GALNT17: variants seen among roughly 807,000 people sequenced by gnomAD.
GALNT17 encodes the protein polypeptide N-acetylgalactosaminyltransferase 17, also known as UDP-GalNAc:polypeptide N-acetylgalactosaminyltransferase-like 3.
GALNT17 carries 29 observed loss-of-function variants against 63.7 expected under a neutral mutation model. The observed-to-expected ratio is 0.46, with a 90% CI of 0.34 to 0.62. The LOEUF is 0.62. Ranked by LOEUF, GALNT17 falls within the 20% of genes least tolerant of loss-of-function variation. The pLI is 0.01. For synonymous variants in GALNT17, 305 were observed against 318.3 expected (o/e 0.96, Z 0.45); for missense variants, 603 against 799.6 (o/e 0.75, Z 2.97).
intron 1 of GALNT17, among the ~76,000 whole-genome samples, chr7:71,221,908 A>T (rs926436484): frequency 6.3e-4 from 72 of 114,702 alleles, no homozygotes; most frequent in Non-Finnish European, 1.1e-3. Context: ...CCTTATTTAG[A>T]TTTTTTTTTT....
At chr7:71,564,855 G>A (rs1789314718) in intron 5 of GALNT17, among the ~76,000 whole-genome samples, 1 of 152,174 alleles carries the variant, frequency 6.6e-6, no homozygotes. Context: ...CCTGTCATGT[G>A]TGCTGAGCAG....
chr7:71,466,339 G>C (rs148952904), intron 5 of GALNT17, among the ~76,000 whole-genome samples: 1 of 151,846 alleles, frequency 6.6e-6, no homozygotes, highest in African/African-American at 2.4e-5. Context: ...CAAATGACCA[G>C]CATTGGTGTT....
At chr7:71,164,606 C>G (rs983951953) in intron 1 of GALNT17, among the ~76,000 whole-genome samples, 1 of 152,144 alleles carries the variant, frequency 6.6e-6, no homozygotes, top group Non-Finnish European at 1.5e-5. Context: ...GTGGGACTTG[C>G]AACATGTGGT....
intron 3 of GALNT17, among the ~76,000 whole-genome samples, chr7:71,402,986 C>G (rs1793266907): frequency 6.6e-6 from 1 of 152,094 alleles, no homozygotes; most frequent in Non-Finnish European, 1.5e-5. Context: ...TGTTTTTGCC[C>G]CCAACCAGAT....
At chr7:71,509,319 G>C (rs992684559) in intron 5 of GALNT17, among the ~76,000 whole-genome samples, 6 of 152,206 alleles carry the variant, frequency 3.9e-5, no homozygotes, top group African/African-American at 1.4e-4. Context: ...AGTACAGGAA[G>C]TGCATTTTCC....
At chr7:71,348,889 T>A (rs1477789546) in intron 2 of GALNT17, among the ~76,000 whole-genome samples, 1 of 152,326 alleles carries the variant, frequency 6.6e-6, no homozygotes, top group African/African-American at 2.4e-5. Context: ...TTCCTCACTC[T>A]AGCAGTGCAC....
At chr7:71,535,319 G>A (rs965359516) in intron 5 of GALNT17, among the ~76,000 whole-genome samples, 9 of 152,212 alleles carry the variant, frequency 5.9e-5, no homozygotes, top group East Asian at 1.9e-4. Flanking sequence ...ATTTTCATCC[G>A]TCTTAGCACC....
At chr7:71,679,608 C>A (rs1191648097) in intron 9 of GALNT17, among the ~76,000 whole-genome samples, 1 of 152,048 alleles carries the variant, frequency 6.6e-6, no homozygotes, top group Non-Finnish European at 1.5e-5. Flanking sequence ...GTGCTGGGGC[C>A]TGGGAGGTGG....
intron 5 of GALNT17, among the ~76,000 whole-genome samples, chr7:71,497,690 A>C (rs1009793147): frequency 1.3e-5 from 2 of 152,112 alleles, no homozygotes; most frequent in Non-Finnish European, 2.9e-5. Context: ...GAAGTGTGCT[A>C]TTTTCCTGGA....
At chr7:71,377,134 T>G (rs959899002) in intron 2 of GALNT17, among the ~76,000 whole-genome samples, 4 of 112,690 alleles carry the variant, frequency 3.5e-5, no homozygotes, top group Admixed American at 1.0e-4. Context: ...TATATATATA[T>G]ATATATAAAA....
chr7:71,263,778 A>G (rs553979239), intron 1 of GALNT17, among the ~76,000 whole-genome samples: 60 of 152,102 alleles, frequency 3.9e-4, no homozygotes, highest in African/African-American at 1.4e-3. Flanking sequence ...ACAAAAAGTT[A>G]GCCGGCGTGG....
intron 1 of GALNT17, among the ~76,000 whole-genome samples, chr7:71,292,769 T>C (rs1791006925): frequency 6.6e-6 from 1 of 151,654 alleles, no homozygotes; most frequent in Non-Finnish European, 1.5e-5. Flanking sequence ...ACAGTATTGT[T>C]AACTTTGTCA....
At chr7:71,462,163 G>T (rs1017838963) in intron 5 of GALNT17, among the ~76,000 whole-genome samples, 1 of 152,184 alleles carries the variant, frequency 6.6e-6, no homozygotes, top group Non-Finnish European at 1.5e-5. Flanking sequence ...GTGGGGCACT[G>T]TGGGGTGCAG....
rs869086513 is a variant in GALNT17 at position 71,294,409 on chromosome 7, C to CTTT, written c.239-41120_239-41118dup. ...TTTGCTTGATGATGTCTCATAAGTC[C>CTTT]TTTTTTTTTTTTTTTTTTTTTTTGA... On this transcript the variant is annotated intron_variant, in intron 1 of 10. Coordinates refer to ENST00000333538, the MANE Select transcript of GALNT17 (RefSeq NM_022479.3). 5.1e-3 allele frequency among the ~76,000 whole-genome samples: 469 copies of CTTT among 91,940 alleles called. 11 individuals carry two copies. The highest frequency in any genetic ancestry group is 7.6e-3 in the African/African-American group (135 of 17,672). The allele number at this position is 91,940 out of a possible 152,430, so 60.3% of individuals were successfully genotyped here.
At chr7:71,301,098 G>T (rs373472728) in intron 1 of GALNT17, among the ~76,000 whole-genome samples, 6 of 151,168 alleles carry the variant, frequency 4.0e-5, no homozygotes, top group Admixed American at 2.6e-4. Context: ...GAGCAGTCTG[G>T]GCAACATAAC....
intron 2 of GALNT17, among the ~76,000 whole-genome samples, chr7:71,339,276 A>G (rs2116114259): frequency 6.6e-6 from 1 of 152,354 alleles, no homozygotes; most frequent in East Asian, 1.9e-4. Context: ...ATATACCAGC[A>G]GATCAGGTCA....
chr7:71,201,533 A>T (rs906523847), intron 1 of GALNT17, among the ~76,000 whole-genome samples: 3 of 151,142 alleles, frequency 2.0e-5, no homozygotes, highest in African/African-American at 7.3e-5. Context: ...CACAAAATTT[A>T]GATTGGATAC....
At chr7:71,135,747 C>T (rs1787773165) in intron 1 of GALNT17, among the ~76,000 whole-genome samples, 1 of 152,162 alleles carries the variant, frequency 6.6e-6, no homozygotes. Flanking sequence ...GGTAGAAAAC[C>T]CATCCAACCT....
At chr7:71,297,228 C>G (rs527661336) in intron 1 of GALNT17, among the ~76,000 whole-genome samples, 1 of 152,280 alleles carries the variant, frequency 6.6e-6, no homozygotes, top group Admixed American at 6.5e-5. Context: ...GGCACAGTCT[C>G]AAAGCTGATC....
Sources: allele counts gnomAD v4.1 joint callset (sites outside exome capture counted in the v4.1 genomes callset), GRCh38; gene constraint gnomAD v4.1.1; transcripts MANE v1.5; gene names NCBI Gene and HGNC (gene_info 2026-07-23, HGNC 2026-07-21).